RNGTT: variants seen among roughly 807,000 people sequenced by gnomAD.
RNGTT encodes RNA guanylyltransferase and 5'-phosphatase, also known as mRNA-capping enzyme.
Under a neutral mutation model 79.3 loss-of-function variants are expected in RNGTT, and 33 were observed. The observed-to-expected ratio is 0.42, with a 90% CI of 0.32 to 0.56. The LOEUF is 0.56. RNGTT is among the 20% of genes least tolerant of loss of function. The probability of loss-of-function intolerance (pLI) is 0.17; values close to 1 mark genes in which losing one functional copy is unlikely to be tolerated. For missense variants in RNGTT, 497 were observed against 739.1 expected (o/e 0.67, Z 3.80); for synonymous variants, 222 against 235.9 (o/e 0.94, Z 0.54).
chr6:88,621,793 G>A (rs549433734), intron 14 of RNGTT, among the ~76,000 whole-genome samples: 1 of 151,924 alleles, frequency 6.6e-6, no homozygotes, highest in Admixed American at 6.6e-5. Flanking sequence ...CTGAAACTTA[G>A]TTGTTACCTG....
chr6:88,785,824 A>T (rs1214139541), intron 12 of RNGTT, among the ~76,000 whole-genome samples: 1 of 152,196 alleles, frequency 6.6e-6, no homozygotes, highest in African/African-American at 2.4e-5. Flanking sequence ...GCAGTAGTAA[A>T]GATTTAATAA....
chr6:88,829,087 A>G (rs1357421904), intron 11 of RNGTT, among the ~76,000 whole-genome samples: 1 of 152,164 alleles, frequency 6.6e-6, no homozygotes, highest in Non-Finnish European at 1.5e-5. Context: ...TATAATCATC[A>G]GATTCACCAA....
chr6:88,940,180 C>T (rs1306796533), intron 2 of RNGTT, among the ~76,000 whole-genome samples: 2 of 151,482 alleles, frequency 1.3e-5, no homozygotes, highest in African/African-American at 2.4e-5. Flanking sequence ...CAGGTTCAAG[C>T]GATTCTTGTG....
At chr6:88,948,538 G>A (rs1403842277) in intron 1 of RNGTT, among the ~76,000 whole-genome samples, 4 of 148,280 alleles carry the variant, frequency 2.7e-5, no homozygotes, top group South Asian at 2.2e-4. Context: ...GAGGTGAGGG[G>A]CGCCTCTGCC....
At chr6:88,662,570 T>C (rs762362992) in intron 14 of RNGTT, among the ~76,000 whole-genome samples, 5 of 152,254 alleles carry the variant, frequency 3.3e-5, no homozygotes, top group Non-Finnish European at 7.3e-5. Context: ...CGAGAGGTTT[T>C]GTCTGCAACC....
chr6:88,659,611 A>T (rs951259044), intron 14 of RNGTT, among the ~76,000 whole-genome samples: 31 of 113,794 alleles, frequency 2.7e-4, no homozygotes, highest in South Asian at 2.3e-3. Flanking sequence ...AAAAAGAATT[A>T]AAAAAAAAAA....
chr6:88,838,989 CA>C (rs988586404), intron 11 of RNGTT, among the ~76,000 whole-genome samples: 1 of 149,470 alleles, frequency 6.7e-6, no homozygotes, highest in African/African-American at 2.5e-5. Context: ...TATGAATGTG[CA>C]AAAGTAATTC....
intron 12 of RNGTT, among the ~76,000 whole-genome samples, chr6:88,788,860 C>T (rs1029814132): frequency 6.6e-6 from 1 of 152,146 alleles, no homozygotes; most frequent in Non-Finnish European, 1.5e-5. Context: ...TATTAGTGTA[C>T]TTCTTTATAA....
At chr6:88,626,766 A>G (rs963146936) in intron 14 of RNGTT, among the ~76,000 whole-genome samples, 1 of 152,108 alleles carries the variant, frequency 6.6e-6, no homozygotes, top group African/African-American at 2.4e-5. Flanking sequence ...TTTCTAGACT[A>G]AATGAGAAGC....
At chr6:88,808,128 T>G (rs184988538) in intron 11 of RNGTT, among the ~76,000 whole-genome samples, 2 of 152,252 alleles carry the variant, frequency 1.3e-5, no homozygotes, top group African/African-American at 4.8e-5. Flanking sequence ...ATGAAGGGCA[T>G]TGGAATGGTT....
chr6:88,728,152 T>C (rs1776985009), intron 13 of RNGTT, among the ~76,000 whole-genome samples: 1 of 152,246 alleles, frequency 6.6e-6, no homozygotes. Flanking sequence ...TCTCTCTTTC[T>C]TCTATTCTAA....
rs1780845409 is a variant in RNGTT, at chr6:88,831,047, C to T, written c.1269+13310G>A. 2.6e-5 allele frequency among the ~76,000 whole-genome samples: 4 copies of T among 152,102 alleles called. No homozygotes were observed. In the South Asian group the frequency reaches 8.3e-4, roughly 31 times the overall value. On this transcript the variant is annotated intron_variant, in intron 11 of 15. Transcript: ENST00000369485. ...GGTACCATTCCTTCTGAAACTATTC[C>T]AAACAACAGAAAAAGAGGGGCTCCA... is the stretch of plus-strand genomic sequence containing the variant.
At chr6:88,903,938 C>G (rs183722929) in intron 6 of RNGTT, among the ~76,000 whole-genome samples, 1 of 152,108 alleles carries the variant, frequency 6.6e-6, no homozygotes, top group East Asian at 1.9e-4. Context: ...ATGGTTAGCT[C>G]TTTTATTTCT....
intron 14 of RNGTT, among the ~76,000 whole-genome samples, chr6:88,618,388 A>T (rs1213368779): frequency 6.6e-6 from 1 of 152,176 alleles, no homozygotes; most frequent in Non-Finnish European, 1.5e-5. Context: ...TAATGGTCGG[A>T]TCAAAAGAAT....
At chr6:88,758,946 G>A (rs953349180) in intron 13 of RNGTT, among the ~76,000 whole-genome samples, 6 of 152,108 alleles carry the variant, frequency 3.9e-5, no homozygotes, top group African/African-American at 1.4e-4. Context: ...TGTTACATAT[G>A]TATACATGTG....
chr6:88,927,566 G>A (rs1174868408), intron 4 of RNGTT, among the ~76,000 whole-genome samples: 1 of 151,916 alleles, frequency 6.6e-6, no homozygotes. Flanking sequence ...GGAGGCTGAG[G>A]CAGGAGAATT....
intron 14 of RNGTT, among the ~76,000 whole-genome samples, chr6:88,631,272 C>T (rs1249620117): frequency 6.6e-6 from 1 of 152,192 alleles, no homozygotes. Flanking sequence ...GCTACTGTCT[C>T]AGAGATCTCC....
chr6:88,956,040 C>CAAA (rs750272502), intron 1 of RNGTT, among the ~76,000 whole-genome samples: 38 of 23,530 alleles, frequency 1.6e-3, no homozygotes, highest in Middle Eastern at 0.026. Flanking sequence ...GACTCTGTCT[C>CAAA]AAAAAAAAAA....
At chr6:88,898,372 G>A (rs1783324126) in intron 6 of RNGTT, among the ~76,000 whole-genome samples, 1 of 151,912 alleles carries the variant, frequency 6.6e-6, no homozygotes. Flanking sequence ...CATGCTGCAT[G>A]CTGGAAGGAT....
Sources: allele counts gnomAD v4.1 joint callset (sites outside exome capture counted in the v4.1 genomes callset), GRCh38; gene constraint gnomAD v4.1.1; transcripts MANE v1.5; gene names NCBI Gene and HGNC (gene_info 2026-07-23, HGNC 2026-07-21).